KCNG2: variants seen among roughly 807,000 people sequenced by gnomAD.
KCNG2 encodes the protein voltage-gated potassium channel regulatory subunit KCNG2.
KCNG2 carries 7 observed loss-of-function variants against 12.3 expected under a neutral mutation model. The ratio of observed to expected loss-of-function variants is 0.57; its 90% CI spans 0.32 to 1.07. The LOEUF (loss-of-function observed/expected upper bound fraction) is 1.07, where lower values mean the gene tolerates loss of function less well. Among genes scored for constraint, KCNG2 ranks in the 50% least tolerant of loss-of-function variants. KCNG2 has a pLI of 0.04. For synonymous variants in KCNG2, 414 were observed against 351.4 expected, an observed-to-expected ratio of 1.18 and a Z score of -1.99; for missense variants, 703 against 726.0, an observed-to-expected ratio of 0.97 and a Z score of 0.36.
rs543846987 is a variant in KCNG2 at position 79,798,272 on chromosome 18, C to T, written c.-115+258C>T. ...CCCCTCCCGCTCAGCGCCCAGAGTC[C>T]GGGAGTCGAGGGGGGCGTCGGGCCG... On this transcript the variant is annotated intron_variant, in intron 1 of 3. Transcript: ENST00000316249. 2.1e-4 allele frequency among the ~76,000 whole-genome samples: 32 copies of T among 151,238 alleles called. No homozygotes were observed. In the Middle Eastern group the frequency reaches 0.01, roughly 50 times the overall value.
chr18:79,899,449 G>A lies in KCNG2; in HGVS notation c.1034G>A (p.Arg345His), dbSNP rs964579053. ...GCGCCACTGGTGCACCTGGCCGAGCGCGAGCTGGGCGCGCGCCGCGACTTC... is the reference window on the plus strand; with the variant it reads ...GCGCCACTGGTGCACCTGGCCGAGCACGAGCTGGGCGCGCGCCGCGACTTC... ...LFAPLVHLAE[R>H]ELGARRDFSS... The change falls in exon 4 of 4, where the codon CGC becomes CAC. Residue 345 changes from arginine (R) to histidine (H), a missense_variant. Coordinates refer to ENST00000316249, the MANE Select transcript of KCNG2 (RefSeq NM_012283.2). 21 of 1,598,956 alleles carry A rather than the reference G, an allele frequency of 1.3e-5. No homozygotes were observed. Among genetic ancestry groups the A allele is most frequent in the Admixed American group, 1.2e-4 (7 of 58,396 alleles).
chr18:79,845,359 G>A (rs570203124), intron 1 of KCNG2, among the ~76,000 whole-genome samples: 14 of 152,310 alleles, frequency 9.2e-5, no homozygotes, highest in South Asian at 6.2e-4. Context: ...CCATGTCGGC[G>A]TCCCGGTGGA....
At chr18:79,873,219 A>T (rs1366967335) in intron 3 of KCNG2, among the ~76,000 whole-genome samples, 3 of 152,172 alleles carry the variant, frequency 2.0e-5, no homozygotes, top group African/African-American at 7.2e-5. Context: ...CTCTCCACCC[A>T]GCGTTTCTCG....
rs748713635 is a variant in KCNG2 at position 79,899,812 on chromosome 18, G to A, written c.1397G>A (p.Arg466His). The A allele has an allele frequency of 1.1e-5, 15 of 1,385,976 alleles. No homozygotes were observed. Among genetic ancestry groups the A allele is most frequent in the African/African-American group, 1.1e-4 (7 of 66,124 alleles). The allele number at this position is 1,385,976 out of a possible 1,614,324, so 85.9% of individuals were successfully genotyped here. Residue 466 changes from arginine (R) to histidine (H), a missense_variant, in exon 4 of 4, where the codon CGC becomes CAC. By Grantham distance (29) the Arg-to-His change is conservative. Coordinates refer to ENST00000316249, the MANE Select transcript of KCNG2 (RefSeq NM_012283.2). Reference sequence around the variant, plus strand: ...GATGCGCTGTGGGTGCGGGCAGGGCGCTGACGCCTGCGCCGCCCACACGGA... The same window carrying A: ...GATGCGCTGTGGGTGCGGGCAGGGCACTGACGCCTGCGCCGCCCACACGGA... Reference protein sequence around the residue: ...SADALWVRAGR With the variant: ...SADALWVRAGH
intron 2 of KCNG2, among the ~76,000 whole-genome samples, chr18:79,857,319 C>T (rs961646702): frequency 1.3e-5 from 2 of 150,396 alleles, no homozygotes; most frequent in Non-Finnish European, 3.0e-5. Context: ...GATTATGGAG[C>T]GCTTCTCTCC....
At chr18:79,805,825 T>C (rs2087445101) in intron 1 of KCNG2, among the ~76,000 whole-genome samples, 1 of 151,830 alleles carries the variant, frequency 6.6e-6, no homozygotes, top group Admixed American at 6.6e-5. Context: ...AGTCTAGTTG[T>C]GGGGGAGGAG....
Position 79,899,701 on chromosome 18 carries a change from T to C in KCNG2, c.1286T>C (p.Leu429Pro), listed in dbSNP as rs1439898082. The C allele has an allele frequency of 5.6e-6, 9 of 1,607,226 alleles. No homozygotes were observed. Among genetic ancestry groups the C allele is most frequent in the East Asian group, 2.2e-5 (1 of 44,572 alleles). ...CGCGCGGCCAGCCCCGAGCCGGCCC[T>C]GCAGGAGGACAGCACGCACTCGGCC... ...QQRAASPEPA[L>P]QEDSTHSATA... Residue 429 changes from leucine (L) to proline (P), a missense_variant, in exon 4 of 4, where the codon CTG (leucine) becomes CCG (proline). Physicochemically the swap from Leu to Pro is moderately conservative, Grantham distance 98 (BLOSUM62 -3). Coordinates refer to ENST00000316249, the MANE Select transcript of KCNG2 (RefSeq NM_012283.2).
intron 1 of KCNG2, among the ~76,000 whole-genome samples, chr18:79,805,711 G>C (rs1214199907): frequency 6.6e-6 from 1 of 152,210 alleles, no homozygotes; most frequent in African/African-American, 2.4e-5. Context: ...CACCATGTGT[G>C]GTTGCAGGGC....
chr18:79,896,998 C>T (rs1396394299), intron 3 of KCNG2, among the ~76,000 whole-genome samples: 1 of 152,174 alleles, frequency 6.6e-6, no homozygotes, highest in Non-Finnish European at 1.5e-5. Flanking sequence ...GCTCTTGCTG[C>T]TTCAATACTT....
intron 3 of KCNG2, among the ~76,000 whole-genome samples, chr18:79,872,280 G>GTTTTTTTTTTTTTGT (rs1979867980): frequency 1.4e-5 from 1 of 73,412 alleles, no homozygotes; most frequent in African/African-American, 5.2e-5. Flanking sequence ...CAAAGCTTCA[G>GTTTTTTTTTTTTTGT]TTTTTTTTTT....
At chr18:79,802,158 A>G (rs1444186778) in intron 1 of KCNG2, among the ~76,000 whole-genome samples, 1 of 152,248 alleles carries the variant, frequency 6.6e-6, no homozygotes, top group Non-Finnish European at 1.5e-5. Flanking sequence ...GTCACAGCAT[A>G]AAATATTTTT....
intron 1 of KCNG2, among the ~76,000 whole-genome samples, chr18:79,818,397 G>C (rs1329094975): frequency 1.3e-5 from 2 of 152,338 alleles, no homozygotes; most frequent in East Asian, 3.9e-4. Flanking sequence ...GTCGACTGCA[G>C]ACTCTCAGCC....
chr18:79,864,257 G>A lies in KCNG2; in HGVS notation c.590G>A (p.Ser197Asn). 1 of 1,543,794 alleles carries A rather than the reference G, an allele frequency of 6.5e-7. No homozygotes were observed. The highest frequency in any genetic ancestry group is 8.7e-7 in the Non-Finnish European group (1 of 1,149,908). The change falls in exon 3 of 4, where the codon AGC becomes AAC. Residue 197 changes from serine to asparagine, a missense_variant. Transcript: ENST00000316249. ...VAVTAVGLCL[S>N]TMPDIRAEEE... ...GTCACGGCCGTGGGCCTCTGCCTGA[G>A]CACCATGCCGGACATCCGCGCCGAG...
chr18:79,809,261 G>T (rs373924395), intron 1 of KCNG2, among the ~76,000 whole-genome samples: 55 of 47,686 alleles, frequency 1.2e-3, no homozygotes, highest in Non-Finnish European at 1.6e-3. Context: ...CCCAGAGTCC[G>T]CGCTCTGAGG....
chr18:79,812,810 G>A (rs558874031), intron 1 of KCNG2, among the ~76,000 whole-genome samples: 33 of 152,118 alleles, frequency 2.2e-4, no homozygotes, highest in African/African-American at 7.5e-4. Flanking sequence ...GCACTGAGCC[G>A]AGATCGCACC....
chr18:79,832,553 T>TC lies in KCNG2; in HGVS notation c.-114-23822dup, dbSNP rs751520532. Among the ~76,000 whole-genome samples, 33 of 152,126 alleles carry TC rather than the reference T, an allele frequency of 2.2e-4. 1 individual carries two copies. The highest frequency in any genetic ancestry group is 4.4e-5 in the Non-Finnish European group (3 of 68,022). On this transcript the variant is annotated intron_variant, in intron 1 of 3. Transcript: ENST00000316249. ...TCTTCTACTTCCCTCCTCTATCTTC[T>TC]CCCCACTCTCTTGCTGTTTTTTGAA... is the stretch of plus-strand genomic sequence containing the variant.
chr18:79,819,081 GAAGA>G (rs1224760784), intron 1 of KCNG2, among the ~76,000 whole-genome samples: 4 of 152,234 alleles, frequency 2.6e-5, no homozygotes, highest in Non-Finnish European at 5.9e-5. Context: ...AATAAGGGAA[GAAGA>G]AAGAGCAGAG....
chr18:79,863,482 G>A (rs1379506553), intron 2 of KCNG2, among the ~76,000 whole-genome samples, 146 bp from the exon 3 acceptor site: 1 of 152,264 alleles, frequency 6.6e-6, no homozygotes, highest in Non-Finnish European at 1.5e-5. Flanking sequence ...GGTCGGGCCT[G>A]CGGAGGAGTG....
intron 1 of KCNG2, among the ~76,000 whole-genome samples, chr18:79,839,826 C>T (rs1238703831): frequency 6.6e-6 from 1 of 152,096 alleles, no homozygotes; most frequent in African/African-American, 2.4e-5. Flanking sequence ...AAAGATGATT[C>T]AGTATTTAAA....
Sources: allele counts gnomAD v4.1 joint callset (sites outside exome capture counted in the v4.1 genomes callset), GRCh38; gene constraint gnomAD v4.1.1; transcripts MANE v1.5; gene names NCBI Gene and HGNC (gene_info 2026-07-23, HGNC 2026-07-21).